The following AFAP1 variants were observed in gnomAD, a reference collection of about 807,000 sequenced individuals.
AFAP1 encodes the protein actin filament associated protein 1.
AFAP1 carries 75 observed loss-of-function variants against 93.9 expected under a neutral mutation model. That is an observed-to-expected ratio of 0.80 (90% CI 0.66 to 0.97). The LOEUF (loss-of-function observed/expected upper bound fraction) is 0.97, where lower values mean the gene tolerates loss of function less well. AFAP1 is among the 50% of genes least tolerant of loss of function. AFAP1 has a pLI of 0.00. For synonymous variants in AFAP1, 517 were observed against 430.7 expected, an observed-to-expected ratio of 1.20 and a Z score of -2.48; for missense variants, 1,201 against 1,050.8, an observed-to-expected ratio of 1.14 and a Z score of -1.98.
At chr4:7,846,650 T>C (rs937790268) in intron 4 of AFAP1, among the ~76,000 whole-genome samples, 6 of 152,174 alleles carry the variant, frequency 3.9e-5, no homozygotes, top group Admixed American at 1.3e-4. Flanking sequence ...TCCACAAATA[T>C]GTTGTGAGCT....
chr4:7,915,025 C>T (rs1175093854), intron 1 of AFAP1, among the ~76,000 whole-genome samples: 1 of 152,138 alleles, frequency 6.6e-6, no homozygotes, highest in East Asian at 1.9e-4. Flanking sequence ...GCTGGGATTA[C>T]AGGCGTGATC....
In AFAP1 at chr4:7,772,969, G is replaced by A; in HGVS notation, c.2104C>T (p.Leu702=). The A allele has an allele frequency of 6.2e-7, 1 of 1,612,662 alleles. No individual in the cohort carries two copies. Among genetic ancestry groups the A allele is most frequent in the East Asian group, 2.2e-5 (1 of 44,884 alleles). Residue 702 remains leucine (L), a synonymous_variant, in exon 16 of 18, where the codon CTG becomes TTG. Transcript: ENST00000420658. The part of the protein sequence containing the change: ...QAILEEKLKQ[L]EEECRQKEAE... ...TCCTTCTGCCGGCACTCCTCCTCCA[G>A]CTGCTTCAGCTTCTCCTCCAGGATC... is the stretch of plus-strand genomic sequence containing the variant.
chr4:7,863,857 C>T (rs549524825), intron 3 of AFAP1, among the ~76,000 whole-genome samples: 27 of 151,364 alleles, frequency 1.8e-4, no homozygotes, highest in Middle Eastern at 3.4e-3. Flanking sequence ...AAATAAAGTG[C>T]GGTTGTGCTT....
chr4:7,797,904 A>G (rs1718590393), intron 10 of AFAP1, among the ~76,000 whole-genome samples: 1 of 152,238 alleles, frequency 6.6e-6, no homozygotes, highest in African/African-American at 2.4e-5. Context: ...GGGGGAGAGT[A>G]CACACGCAGG....
At chr4:7,914,093 C>T (rs575332341) in intron 1 of AFAP1, among the ~76,000 whole-genome samples, 3 of 150,854 alleles carry the variant, frequency 2.0e-5, no homozygotes, top group Admixed American at 6.6e-5. Flanking sequence ...CACACTCTGT[C>T]GCCCAGGCTG....
At chr4:7,907,557 G>A (rs1436090968) in intron 1 of AFAP1, among the ~76,000 whole-genome samples, 1 of 152,106 alleles carries the variant, frequency 6.6e-6, no homozygotes, top group Non-Finnish European at 1.5e-5. Flanking sequence ...CTCTGGTCCA[G>A]AACTCCTGCA....
At chr4:7,908,525 G>A (rs1202899873) in intron 1 of AFAP1, among the ~76,000 whole-genome samples, 1 of 152,214 alleles carries the variant, frequency 6.6e-6, no homozygotes, top group Non-Finnish European at 1.5e-5. Flanking sequence ...TACCAATGCA[G>A]CTTTGATACC....
chr4:7,839,740 A>G (rs1560191229), intron 5 of AFAP1, among the ~76,000 whole-genome samples: 1 of 152,116 alleles, frequency 6.6e-6, no homozygotes, highest in Non-Finnish European at 1.5e-5. Flanking sequence ...TGAGAATCAA[A>G]TCATTGCCCA....
chr4:7,917,239 A>G (rs1720134614), intron 1 of AFAP1, among the ~76,000 whole-genome samples: 1 of 152,184 alleles, frequency 6.6e-6, no homozygotes, highest in Non-Finnish European at 1.5e-5. Flanking sequence ...TCCAGCGAAC[A>G]AAAGGAGTCA....
chr4:7,892,230 AG>A (rs1718513875), intron 1 of AFAP1, among the ~76,000 whole-genome samples: 1 of 152,190 alleles, frequency 6.6e-6, no homozygotes, highest in Non-Finnish European at 1.5e-5. Context: ...ACCATTTCTA[AG>A]TACAGAAGCA....
chr4:7,903,915 G>A (rs898270398), intron 1 of AFAP1, among the ~76,000 whole-genome samples: 1 of 151,456 alleles, frequency 6.6e-6, no homozygotes, highest in East Asian at 1.9e-4. Context: ...CAAGGAAAAA[G>A]CTCTGTAAGC....
chr4:7,844,763 T>C (rs1713492430), intron 4 of AFAP1, among the ~76,000 whole-genome samples: 1 of 152,250 alleles, frequency 6.6e-6, no homozygotes, highest in Non-Finnish European at 1.5e-5. Context: ...GCGCCCGTCA[T>C]TCCTCTCATT....
chr4:7,894,502 G>A (rs534866029), intron 1 of AFAP1, among the ~76,000 whole-genome samples: 52 of 152,294 alleles, frequency 3.4e-4, no homozygotes, highest in Non-Finnish European at 6.0e-4. Context: ...AGACAAGCCT[G>A]GTGACGGCGG....
chr4:7,889,718 T>C (rs1577337279), intron 1 of AFAP1, among the ~76,000 whole-genome samples: 1 of 139,820 alleles, frequency 7.2e-6, no homozygotes, highest in Non-Finnish European at 1.6e-5. Context: ...AAAAGAACAA[T>C]TGAAAAATGA....
At chr4:7,919,484 T>C (rs538491730) in intron 1 of AFAP1, among the ~76,000 whole-genome samples, 27 of 152,154 alleles carry the variant, frequency 1.8e-4, no homozygotes, top group Non-Finnish European at 3.8e-4. Flanking sequence ...TTTAGTAGAA[T>C]CTAAGAAATG....
intron 9 of AFAP1, among the ~76,000 whole-genome samples, chr4:7,801,035 A>G (rs1205760368): frequency 6.6e-6 from 1 of 152,226 alleles, no homozygotes; most frequent in Non-Finnish European, 1.5e-5. Flanking sequence ...CTGGAAACCG[A>G]TTTCACTTAT....
At chr4:7,865,657 G>A (rs566981703) in intron 3 of AFAP1, among the ~76,000 whole-genome samples, 1 of 152,214 alleles carries the variant, frequency 6.6e-6, no homozygotes, top group Non-Finnish European at 1.5e-5. Flanking sequence ...CAACACAGAA[G>A]TGAATCAATC....
intron 17 of AFAP1, among the ~76,000 whole-genome samples, chr4:7,765,650 G>A (rs1337601608): frequency 1.3e-5 from 2 of 152,230 alleles, no homozygotes; most frequent in Non-Finnish European, 2.9e-5. Flanking sequence ...AGGCAAAAGA[G>A]CAGACCCAGG....
intron 4 of AFAP1, among the ~76,000 whole-genome samples, chr4:7,851,305 C>T (rs531567632): frequency 2.3e-4 from 35 of 152,254 alleles, no homozygotes; most frequent in African/African-American, 7.9e-4. Context: ...CAAGTCAAAG[C>T]GGGTGTGTGA....
Sources: allele counts gnomAD v4.1 joint callset (sites outside exome capture counted in the v4.1 genomes callset), GRCh38; gene constraint gnomAD v4.1.1; transcripts MANE v1.5; gene names NCBI Gene and HGNC (gene_info 2026-07-23, HGNC 2026-07-21).